CYSLTR1: variants seen among roughly 807,000 people sequenced by gnomAD.
CYSLTR1 encodes the protein G-protein coupled receptor HG55.
Under a neutral mutation model 2.1 loss-of-function variants are expected in CYSLTR1, and 1 was observed. The ratio of observed to expected loss-of-function variants is 0.48; its 90% CI spans 0.17 to 2.28. The LOEUF is 2.28. Ranked by LOEUF, CYSLTR1 falls within the 30% of genes most tolerant of loss-of-function variation. CYSLTR1 has a pLI of 0.26. For missense variants in CYSLTR1, 299 were observed against 250.1 expected (o/e 1.20, Z -1.32); for synonymous variants, 110 against 89.6 (o/e 1.23, Z -1.28).
chrX:78,273,215 G>C lies in CYSLTR1; in HGVS notation c.532C>G (p.Gln178Glu). The change falls in exon 3 of 3, where the codon CAA (glutamine) becomes GAA (glutamate). Residue 178 changes from glutamine to glutamate, a missense_variant. Physicochemically the swap from Gln to Glu is conservative, Grantham distance 29 (BLOSUM62 2). Coordinates refer to ENST00000373304, the MANE Select transcript of CYSLTR1 (RefSeq NM_006639.4). ...ACATGATTTTTAGTTTGATTGTCTT[G>C]TGGGGGCTCAAAGCACTTGGTATTA... ...KNNTKCFEPPQDNQTKNHVLV... is the reference protein window; with the variant it reads ...KNNTKCFEPPEDNQTKNHVLV... 1 of 1,211,028 alleles carries C rather than the reference G, an allele frequency of 8.3e-7. No homozygotes were observed. Among genetic ancestry groups the C allele is most frequent in the Non-Finnish European group, 1.1e-6 (1 of 895,230 alleles).
chrX:78,281,116 G>T (rs1921822362), intron 2 of CYSLTR1, among the ~76,000 whole-genome samples: 1 of 111,186 alleles, frequency 9.0e-6, no homozygotes, highest in South Asian at 3.8e-4. Flanking sequence ...TGGAATTGCT[G>T]GGTGGAATGA....
At chrX:78,289,446 T>A (rs1458278513) in intron 1 of CYSLTR1, among the ~76,000 whole-genome samples, 1 of 112,180 alleles carries the variant, frequency 8.9e-6, no homozygotes, top group Non-Finnish European at 1.9e-5. Context: ...GTCTTTATAG[T>A]AGAATGATTT....
chrX:78,272,564 T>C lies in CYSLTR1; in HGVS notation c.*169A>G. The C allele has an allele frequency of 2.4e-6, 1 of 413,193 alleles. No individual in the cohort carries two copies. The highest frequency in any genetic ancestry group is 3.8e-6 in the Non-Finnish European group (1 of 264,674). 34.1% of individuals were successfully genotyped at this position (413,193 alleles called of 1,213,427 possible). Reference sequence around the variant, plus strand: ...GACCGAATTTTTAGCACTTAAAATATCTATAAATATCTAATCATGTGGATG... The same window carrying C: ...GACCGAATTTTTAGCACTTAAAATACCTATAAATATCTAATCATGTGGATG... On this transcript the variant is annotated 3_prime_UTR_variant, in exon 3 of 3. Coordinates refer to ENST00000373304, the MANE Select transcript of CYSLTR1 (RefSeq NM_006639.4).
chrX:78,275,171 C>T lies in CYSLTR1; in HGVS notation c.-27-1398G>A, dbSNP rs768562011. Among the ~76,000 whole-genome samples the T allele has an allele frequency of 3.8e-3, 423 of 111,955 alleles. 1 individual carries two copies. The highest frequency in any genetic ancestry group is 0.013 in the African/African-American group (403 of 30,830). On this transcript the variant is annotated intron_variant, in intron 2 of 2. Coordinates refer to ENST00000373304, the MANE Select transcript of CYSLTR1 (RefSeq NM_006639.4). Reference sequence around the variant, plus strand: ...TCAACCATTGTGGAAGACAGTGTGGCGATTCCTCAAGGATCTAGAACTAGA... The same window carrying T: ...TCAACCATTGTGGAAGACAGTGTGGTGATTCCTCAAGGATCTAGAACTAGA...
At chrX:78,311,634 A>G (rs1313061691) in intron 1 of CYSLTR1, among the ~76,000 whole-genome samples, 2 of 112,327 alleles carry the variant, frequency 1.8e-5, no homozygotes, top group Non-Finnish European at 3.8e-5. Context: ...AATTCAGTAA[A>G]GTTTCAGAAT....
intron 1 of CYSLTR1, among the ~76,000 whole-genome samples, chrX:78,316,474 C>T (rs1160870598): frequency 8.9e-6 from 1 of 111,805 alleles, no homozygotes; most frequent in Non-Finnish European, 1.9e-5. Flanking sequence ...AAGCTTATGG[C>T]CTGGGAAAAG....
intron 1 of CYSLTR1, among the ~76,000 whole-genome samples, chrX:78,316,790 AG>A (rs909146586): frequency 8.9e-6 from 1 of 112,375 alleles, no homozygotes; most frequent in Admixed American, 9.4e-5. Flanking sequence ...CACACGTAGA[AG>A]AATGAAACTG....
At position 78,273,706 on chromosome X, in the gene CYSLTR1, C is replaced by A; in HGVS notation, c.41G>T (p.Cys14Phe). The change falls in exon 3 of 3, where the codon TGC (cysteine) becomes TTC (phenylalanine). Residue 14 changes from cysteine (C) to phenylalanine (F), a missense_variant. Coordinates refer to ENST00000373304, the MANE Select transcript of CYSLTR1 (RefSeq NM_006639.4). ...GCGGAAGTCATCAATAGTGTCATGG[C>A]ATGTGGCAGAAGATACTGTCAGATT... ...TGNLTVSSAT[C>F]HDTIDDFRNQ... is the part of the protein sequence containing the mutation. 6.6e-6 allele frequency: 8 copies of A among 1,204,092 alleles called. No individual in the cohort carries two copies. Among genetic ancestry groups the A allele is most frequent in the Non-Finnish European group, 9.0e-6 (8 of 889,711 alleles).
rs982277827 is a variant in CYSLTR1, at chrX:78,320,287, T to A, written c.-115+7018A>T. 1.6e-3 allele frequency: 178 copies of A among 112,077 alleles called. 1 individual carries two copies. Among genetic ancestry groups the A allele is most frequent in the African/African-American group, 5.5e-3 (170 of 30,812 alleles). 9.2% of individuals were successfully genotyped at this position (112,077 alleles called of 1,213,427 possible). On this transcript the variant is annotated intron_variant, in intron 1 of 2. Coordinates refer to ENST00000373304, the MANE Select transcript of CYSLTR1 (RefSeq NM_006639.4). ...AATCCATCTTGAATTAATTTTTGTATAAGGTGTAAGGAAGGGATCCAGTTT... is the reference window on the plus strand; with the variant it reads ...AATCCATCTTGAATTAATTTTTGTAAAAGGTGTAAGGAAGGGATCCAGTTT...
At chrX:78,317,586 C>T (rs1448997548) in intron 1 of CYSLTR1, among the ~76,000 whole-genome samples, 1 of 112,189 alleles carries the variant, frequency 8.9e-6, no homozygotes, top group East Asian at 2.8e-4. Context: ...GCCTAAATGC[C>T]CATCAACCAA....
chrX:78,316,668 C>A (rs1923431992), intron 1 of CYSLTR1, among the ~76,000 whole-genome samples: 1 of 111,369 alleles, frequency 9.0e-6, no homozygotes, highest in Admixed American at 9.6e-5. Flanking sequence ...AATAGAGAAC[C>A]CCAAAATAAA....
At chrX:78,323,186 A>G (rs1382276683) in intron 1 of CYSLTR1, among the ~76,000 whole-genome samples, 6 of 111,583 alleles carry the variant, frequency 5.4e-5, no homozygotes, top group Non-Finnish European at 1.9e-5. Flanking sequence ...AACTTTTTGT[A>G]AAGCACTAAG....
intron 1 of CYSLTR1, among the ~76,000 whole-genome samples, chrX:78,317,821 C>G (rs1923477093): frequency 9.0e-6 from 1 of 111,254 alleles, no homozygotes; most frequent in African/African-American, 3.3e-5. Flanking sequence ...ACTTTGGGGA[C>G]TCGGGGAAGG....
intron 1 of CYSLTR1, among the ~76,000 whole-genome samples, chrX:78,305,666 A>G (rs1171720552): frequency 8.9e-6 from 1 of 112,455 alleles, no homozygotes; most frequent in Non-Finnish European, 1.9e-5. Context: ...GGCAAATGCC[A>G]TTCTAGTTTC....
chrX:78,308,684 A>T (rs2147269621), intron 1 of CYSLTR1, among the ~76,000 whole-genome samples: 1 of 112,257 alleles, frequency 8.9e-6, no homozygotes, highest in South Asian at 3.7e-4. Flanking sequence ...ATATGCATTC[A>T]TTCAAAAATA....
At chrX:78,310,289 CT>C (rs1923169289) in intron 1 of CYSLTR1, among the ~76,000 whole-genome samples, 2 of 111,866 alleles carry the variant, frequency 1.8e-5, no homozygotes, top group African/African-American at 6.5e-5. Flanking sequence ...AGCTCCATCT[CT>C]CCTTTTGTCT....
chrX:78,292,745 T>C (rs1922401547), intron 1 of CYSLTR1, among the ~76,000 whole-genome samples: 1 of 111,095 alleles, frequency 9.0e-6, no homozygotes, highest in African/African-American at 3.3e-5. Context: ...TTTCTTTTGA[T>C]CTTTGTTGGT....
At chrX:78,316,809 G>C (rs550097478) in intron 1 of CYSLTR1, among the ~76,000 whole-genome samples, 2 of 111,943 alleles carry the variant, frequency 1.8e-5, no homozygotes, top group East Asian at 2.8e-4. Flanking sequence ...CTGGATCCTT[G>C]TCTTTCACTT....
chrX:78,324,331 CTA>C (rs1397789035), intron 1 of CYSLTR1, among the ~76,000 whole-genome samples: 1 of 112,384 alleles, frequency 8.9e-6, no homozygotes, highest in Non-Finnish European at 1.9e-5. Context: ...GTACTTCTTG[CTA>C]TGAGTCTATC....
Sources: allele counts gnomAD v4.1 joint callset (sites outside exome capture counted in the v4.1 genomes callset), GRCh38; gene constraint gnomAD v4.1.1; transcripts MANE v1.5; gene names NCBI Gene and HGNC (gene_info 2026-07-23, HGNC 2026-07-21).